Variants in LILRB1 observed in about 807,000 individuals in gnomAD.
LILRB1 encodes the protein leukocyte immunoglobulin-like receptor subfamily B member 1.
A neutral mutation model predicts 74.6 loss-of-function variants in LILRB1; 59 were observed. The observed-to-expected ratio is 0.79, with a 90% CI of 0.64 to 0.98. The LOEUF (loss-of-function observed/expected upper bound fraction) is 0.98, where lower values mean the gene tolerates loss of function less well. Among genes scored for constraint, LILRB1 ranks in the 50% least tolerant of loss-of-function variants. The probability of loss-of-function intolerance (pLI) is 0.00; values close to 1 mark genes in which losing one functional copy is unlikely to be tolerated. For synonymous variants in LILRB1, 328 were observed against 333.9 expected, an observed-to-expected ratio of 0.98 and a Z score of 0.19; for missense variants, 804 against 822.6, an observed-to-expected ratio of 0.98 and a Z score of 0.28.
rs548762642 is a variant in LILRB1, at chr19:54,633,461, G to C, written c.1261+143G>C. Reference sequence around the variant, plus strand: ...GACTCACCCTCAGAGGGAAGGAGGAGAACAGGGCCCTCCCAGGCCTGCCCA... The same window carrying C: ...GACTCACCCTCAGAGGGAAGGAGGACAACAGGGCCCTCCCAGGCCTGCCCA... On this transcript the variant is annotated intron_variant, in intron 7 of 14. Transcript: ENST00000324602. 3,998 of 1,306,352 alleles carry C rather than the reference G, an allele frequency of 3.1e-3. 158 individuals carry two copies. The South Asian group carries it at 0.054, about 18-fold the overall frequency. 80.9% of individuals were successfully genotyped at this position (1,306,352 alleles called of 1,614,324 possible).
rs747657206 is a variant in LILRB1, at chr19:54,633,081, G to A, written c.1024G>A (p.Val342Met). The part of the protein sequence containing the change: ...PGPTVASGEN[V>M]TLLCQSQGWM... ...CCCCACGGTGGCCTCAGGAGAGAAC[G>A]TGACCCTGCTGTGTCAGTCACAGGG... The change falls in exon 7 of 15, where the codon GTG becomes ATG. Residue 342 changes from valine to methionine, a missense_variant. Physicochemically the swap from Val to Met is conservative, Grantham distance 21 (BLOSUM62 1). Coordinates refer to ENST00000324602, the MANE Select transcript of LILRB1 (RefSeq NM_001081637.3). 1.7e-5 allele frequency: 28 copies of A among 1,614,130 alleles called. No individual in the cohort carries two copies. The highest frequency in any genetic ancestry group is 5.3e-5 in the African/African-American group (4 of 74,952).
At chr19:54,623,147 G>A (rs1450668188) in intron 1 of LILRB1, among the ~76,000 whole-genome samples, 1 of 152,120 alleles carries the variant, frequency 6.6e-6, no homozygotes, top group Non-Finnish European at 1.5e-5. Flanking sequence ...ATCCCTGTCT[G>A]ATTTTGCTAT....
rs2064234884 is a variant in LILRB1, at chr19:54,634,691, C to T, written c.1414C>T (p.Leu472=). The change falls in exon 10 of 15, where the codon CTA becomes TTA. Residue 472 remains leucine (L), a synonymous_variant. Transcript: ENST00000324602. The part of the protein sequence containing the change: ...VVIGILVAVI[L]LLLLLLLLFL... ...GATCGGCATCTTGGTGGCCGTCATC[C>T]TACTGCTCCTCCTCCTCCTCCTCCT... 1 of 1,613,892 alleles carries T rather than the reference C, an allele frequency of 6.2e-7. No homozygotes were observed. The highest frequency in any genetic ancestry group is 2.2e-5 in the East Asian group (1 of 44,866).
In LILRB1 at chr19:54,631,807, T is replaced by TCCCAGC. The variant is rs1170212348; in HGVS notation, c.358+26_358+31dup. On this transcript the variant is annotated intron_variant, in intron 4 of 14. Coordinates refer to ENST00000324602, the MANE Select transcript of LILRB1 (RefSeq NM_001081637.3). ...TGACAGGTGAGCTGACACTCAGGGGTCCCAGCCCCAGACTCTGCCCTCAGG... is the reference window on the plus strand; with the variant it reads ...TGACAGGTGAGCTGACACTCAGGGGTCCCAGCCCCAGCCCCAGACTCTGCCCTCAGG... 1 of 1,612,642 alleles carries TCCCAGC rather than the reference T, an allele frequency of 6.2e-7. No homozygotes were observed. The highest frequency in any genetic ancestry group is 2.2e-5 in the East Asian group (1 of 44,880).
In LILRB1 at chr19:54,633,317, A is replaced by G. The variant is rs2064084221; in HGVS notation, c.1260A>G (p.Ser420=). ...GTGACCCCCTGGAGCTCGTGGTCTCAGGTGGGGGCCTTGACCCTGTCCTCT... is the reference window on the plus strand; with the variant it reads ...GTGACCCCCTGGAGCTCGTGGTCTCGGGTGGGGGCCTTGACCCTGTCCTCT... ...HPSDPLELVV[S]GPSGGPSSPT... is the part of the protein sequence containing the mutation. Residue 420 remains serine, a splice_region_variant and synonymous_variant, in exon 7 of 15, where the codon TCA becomes TCG. Coordinates refer to ENST00000324602, the MANE Select transcript of LILRB1 (RefSeq NM_001081637.3). The G allele has an allele frequency of 1.2e-6, 2 of 1,613,328 alleles. No individual in the cohort carries two copies. The highest frequency in any genetic ancestry group is 1.3e-5 in the African/African-American group (1 of 74,900).
At chr19:54,630,909 C>G in intron 1 of LILRB1, 117 bp from the exon 2 acceptor site, 1 of 1,212,582 alleles carries the variant, frequency 8.2e-7, no homozygotes, top group Non-Finnish European at 1.1e-6. Context: ...GGAATGAGAG[C>G]AAGGGTCCTG....
rs550975259 is a variant in LILRB1 at position 54,624,173 on chromosome 19, A to G, written c.-165-6344A>G. ...TGGAACCCCCGGCTTGCCCACAGAT[A>G]TCCCAGTGATGAGTGCAGGCACTAG... is the stretch of plus-strand genomic sequence containing the variant. On this transcript the variant is annotated intron_variant, in intron 1 of 15. Coordinates refer to the LILRB1 transcript ENST00000396331. Among the ~76,000 whole-genome samples the G allele has an allele frequency of 6.6e-5, 10 of 152,288 alleles. No homozygotes were observed. The South Asian group carries it at 2.1e-3, about 32-fold the overall frequency.
intron 1 of LILRB1, 71 bp from the exon 2 acceptor site, chr19:54,630,955 G>T: frequency 6.2e-7 from 1 of 1,612,094 alleles, no homozygotes; most frequent in Non-Finnish European, 8.5e-7. Context: ...GGCTGCAGAT[G>T]ACAGCACCCC....
intron 4 of LILRB1, 40 bp downstream of exon 4, chr19:54,631,827 C>A (rs1232669223): frequency 1.9e-6 from 3 of 1,609,250 alleles, no homozygotes; most frequent in Non-Finnish European, 2.5e-6. Flanking sequence ...AGACTCTGCC[C>A]TCAGGAAGGG....
intron 4 of LILRB1, 54 bp downstream of exon 4, chr19:54,631,841 C>G: frequency 6.2e-7 from 1 of 1,605,544 alleles, no homozygotes; most frequent in South Asian, 1.1e-5. Context: ...GGAAGGGGGA[C>G]GGCTCTCAGG....
chr19:54,620,496 G>A (rs954450778), intron 1 of LILRB1, among the ~76,000 whole-genome samples: 5 of 152,040 alleles, frequency 3.3e-5, no homozygotes, highest in African/African-American at 1.2e-4. Context: ...CAGAATTTAA[G>A]AGCTTGTTTG....
chr19:54,627,628 G>C (rs1336522204), upstream of LILRB1, among the ~76,000 whole-genome samples: 1 of 152,158 alleles, frequency 6.6e-6, no homozygotes, highest in Admixed American at 6.5e-5. Flanking sequence ...CTCCTCCAAT[G>C]GACTGACAGC....
intron 1 of LILRB1, among the ~76,000 whole-genome samples, chr19:54,624,830 G>A (rs997566172): frequency 1.3e-5 from 2 of 152,010 alleles, no homozygotes; most frequent in South Asian, 2.1e-4. Context: ...AGGTGGTAGA[G>A]CCTGCGGCAG....
In LILRB1 at chr19:54,632,559, A is replaced by G. The variant is rs766606336; in HGVS notation, c.757A>G (p.Asn253Asp). 9.9e-6 allele frequency: 16 copies of G among 1,613,894 alleles called. No homozygotes were observed. In the East Asian group the frequency reaches 1.3e-4, roughly 13 times the overall value. Residue 253 changes from asparagine (N) to aspartate (D), a missense_variant, in exon 6 of 15, where the codon AAC becomes GAC. Transcript: ENST00000324602. ...GCAGTGTGGCTCTGATGCTGGCTAC[A>G]ACAGATTTGTTCTGTATAAGGACGG... ...TLQCGSDAGY[N>D]RFVLYKDGER...
Position 54,634,709 on chromosome 19 carries a change from C to T in LILRB1, c.1432C>T (p.Leu478Phe). Residue 478 changes from leucine (L) to phenylalanine (F), a missense_variant, in exon 10 of 15, where the codon CTC becomes TTC. Physicochemically the swap from Leu to Phe is conservative, Grantham distance 22. Transcript: ENST00000324602. ...VAVILLLLLL[L>F]LLFLILRHRR... ...CGTCATCCTACTGCTCCTCCTCCTC[C>T]TCCTCCTCTTCCTCATCCTCCGACA... is the stretch of plus-strand genomic sequence containing the variant. The T allele has an allele frequency of 6.2e-7, 1 of 1,614,046 alleles. No homozygotes were observed.
rs773866222 is a variant in LILRB1, at chr19:54,632,742, C to G, written c.940C>G (p.Leu314Val). 1.9e-6 allele frequency: 3 copies of G among 1,612,066 alleles called. No individual in the cohort carries two copies. In the African/African-American group the frequency reaches 4.0e-5, roughly 22 times the overall value. The change falls in exon 6 of 15, where the codon CTG becomes GTG. Residue 314 changes from leucine (L) to valine (V), a missense_variant. Transcript: ENST00000324602. ...SSEWSAPSDP[L>V]DILIAGQFYD... ...CGAGTGGTCGGCCCCCAGCGACCCC[C>G]TGGACATCCTGATCGCAGGTGAGGA... is the stretch of plus-strand genomic sequence containing the variant.
rs997075950 is a variant in LILRB1, at chr19:54,637,716, A to G, written c.*838A>G. Among the ~76,000 whole-genome samples the G allele has an allele frequency of 8.5e-5, 13 of 152,216 alleles. No homozygotes were observed. Among genetic ancestry groups the G allele is most frequent in the African/African-American group, 3.1e-4 (13 of 41,458 alleles). ...ATTCTTGAAAACATGAATCACACTC[A>G]TGAATTCTAACTACAATGAAAAAGA... is the stretch of plus-strand genomic sequence containing the variant. On this transcript the variant is annotated 3_prime_UTR_variant, in exon 15 of 15. Coordinates refer to ENST00000324602, the MANE Select transcript of LILRB1 (RefSeq NM_001081637.3).
chr19:54,636,973 T>C lies in LILRB1; in HGVS notation c.*95T>C. 6.5e-7 allele frequency: 1 copy of C among 1,527,864 alleles called. No individual in the cohort carries two copies. The highest frequency in any genetic ancestry group is 1.8e-5 in the Admixed American group (1 of 55,534). The allele number at this position is 1,527,864 out of a possible 1,614,324, so 94.6% of individuals were successfully genotyped here. A position where few individuals can be genotyped will look rare whatever the true frequency, so the allele number is the denominator to read the frequency against. On this transcript the variant is annotated 3_prime_UTR_variant, in exon 15 of 15. Transcript: ENST00000324602. The stretch of plus-strand genomic sequence containing the variant: ...ACCATTGGACCCCACCCAGCCTGGA[T>C]CTACCCCAGGAGACTCTGGGAACTT...
chr19:54,633,044 G>T lies in LILRB1; in HGVS notation c.987G>T (p.Ser329=). Residue 329 remains serine, a synonymous_variant, in exon 7 of 15, where the codon TCG becomes TCT. Transcript: ENST00000324602. The part of the protein sequence containing the change: ...AGQFYDRVSL[S]VQPGPTVASG... ...AGTTCTATGACAGAGTCTCCCTCTC[G>T]GTGCAGCCGGGCCCCACGGTGGCCT... 1 of 1,430,594 alleles carries T rather than the reference G, an allele frequency of 7.0e-7. No individual in the cohort carries two copies. Among genetic ancestry groups the T allele is most frequent in the South Asian group, 1.2e-5 (1 of 80,350 alleles). The allele number at this position is 1,430,594 out of a possible 1,614,324, so 88.6% of individuals were successfully genotyped here. A position where few individuals can be genotyped will look rare whatever the true frequency, so the allele number is the denominator to read the frequency against.
Sources: allele counts gnomAD v4.1 joint callset (sites outside exome capture counted in the v4.1 genomes callset), GRCh38; gene constraint gnomAD v4.1.1; transcripts MANE v1.5; gene names NCBI Gene and HGNC (gene_info 2026-07-23, HGNC 2026-07-21).